RYR2: variants seen among roughly 807,000 people sequenced by gnomAD.
RYR2 encodes ryanodine receptor 2, also known as cardiac muscle ryanodine receptor-calcium release channel.
RYR2 carries 227 observed loss-of-function variants against 601.1 expected under a neutral mutation model. The observed-to-expected ratio is 0.38, with a 90% CI of 0.34 to 0.42. The LOEUF is 0.42. RYR2 is among the 10% of genes least tolerant of loss of function. The pLI is 1.00. For missense variants in RYR2, 4,646 were observed against 6,156.5 expected (o/e 0.75, Z 8.21); for synonymous variants, 2,223 against 2,175.1 (o/e 1.02, Z -0.61).
chr1:237,591,915 A>C, intron 32 of RYR2, 62 bp downstream of exon 32: 2 of 1,057,312 alleles, frequency 1.9e-6, no homozygotes, highest in Non-Finnish European at 2.9e-6. Flanking sequence ...TTACATCTCC[A>C]GTAATACATA....
At chr1:237,073,633 G>A (rs1235044344) in intron 1 of RYR2, among the ~76,000 whole-genome samples, 2 of 152,186 alleles carry the variant, frequency 1.3e-5, no homozygotes, top group Non-Finnish European at 2.9e-5. Context: ...CACTTTGGGA[G>A]GCTGAAGTGG....
chr1:237,530,349 A>G (rs368408319), intron 24 of RYR2, 78 bp from the exon 25 acceptor site: 9 of 1,078,662 alleles, frequency 8.3e-6, no homozygotes, highest in African/African-American at 1.6e-5. Context: ...GTTGTATCTC[A>G]TTGCTACTGC....
At chr1:237,314,363 C>CA (rs1433883172) in intron 2 of RYR2, among the ~76,000 whole-genome samples, 4 of 152,102 alleles carry the variant, frequency 2.6e-5, no homozygotes, top group African/African-American at 9.7e-5. Context: ...CATGCCCGGC[C>CA]AACATGAATT....
At chr1:237,264,699 ATT>A (rs71663222) in intron 1 of RYR2, among the ~76,000 whole-genome samples, 1 of 147,096 alleles carries the variant, frequency 6.8e-6, no homozygotes, top group Non-Finnish European at 1.5e-5. Flanking sequence ...TATTATTATT[ATT>A]TTTTTTTTTT....
chr1:237,433,450 AAC>A (rs1375652091), intron 12 of RYR2, among the ~76,000 whole-genome samples: 2 of 152,148 alleles, frequency 1.3e-5, no homozygotes, highest in African/African-American at 4.8e-5. Context: ...AGCAGCATTG[AAC>A]TTATAATTAT....
At chr1:237,193,102 C>T (rs561578322) in intron 1 of RYR2, among the ~76,000 whole-genome samples, 1 of 132,906 alleles carries the variant, frequency 7.5e-6, no homozygotes, top group South Asian at 2.4e-4. Flanking sequence ...GTGGGCGGAT[C>T]ACGAGGTCAG....
intron 1 of RYR2, among the ~76,000 whole-genome samples, chr1:237,088,732 A>C (rs1666629827): frequency 6.6e-6 from 1 of 152,198 alleles, no homozygotes; most frequent in African/African-American, 2.4e-5. Context: ...TACCTACAAA[A>C]TACATTCTTT....
intron 1 of RYR2, among the ~76,000 whole-genome samples, chr1:237,062,418 A>G (rs962378817): frequency 1.3e-5 from 2 of 152,084 alleles, no homozygotes; most frequent in Admixed American, 1.3e-4. Flanking sequence ...TTCTCTCAGT[A>G]TTTGCACTTA....
At chr1:237,407,697 A>G (rs1704046751) in intron 10 of RYR2, among the ~76,000 whole-genome samples, 1 of 149,870 alleles carries the variant, frequency 6.7e-6, no homozygotes, top group South Asian at 2.1e-4. Flanking sequence ...GCTTACTGGA[A>G]GCTCAATCTC....
chr1:237,255,838 A>AGTGTGTGT (rs4006354), intron 1 of RYR2, among the ~76,000 whole-genome samples: 7,102 of 142,872 alleles, frequency 0.05, 289 homozygotes, highest in African/African-American at 0.11. Context: ...TTGCTATACC[A>AGTGTGTGT]GTGTGTGTGT....
intron 2 of RYR2, among the ~76,000 whole-genome samples, chr1:237,284,677 T>TCCACACACAC (rs1691324913): frequency 4.1e-5 from 1 of 24,416 alleles, no homozygotes; most frequent in African/African-American, 2.3e-4. Flanking sequence ...TATATATATA[T>TCCACACACAC]ATATGTACAC....
chr1:237,652,315 TCTCA>T (rs1175711074), intron 51 of RYR2, among the ~76,000 whole-genome samples: 3 of 152,206 alleles, frequency 2.0e-5, no homozygotes, highest in Non-Finnish European at 2.9e-5. Flanking sequence ...CAGGATCAAG[TCTCA>T]CTCTATCTTA....
chr1:237,595,232 G>A (rs1007069545), intron 33 of RYR2, among the ~76,000 whole-genome samples: 1 of 152,064 alleles, frequency 6.6e-6, no homozygotes, highest in Non-Finnish European at 1.5e-5. Flanking sequence ...TGGAGAGAAG[G>A]TGCAGGTCAG....
chr1:237,295,594 G>T (rs184895570), intron 2 of RYR2, among the ~76,000 whole-genome samples: 4 of 152,144 alleles, frequency 2.6e-5, no homozygotes, highest in South Asian at 2.1e-4. Flanking sequence ...ACTCTATGTA[G>T]GATTTATAGG....
intron 2 of RYR2, among the ~76,000 whole-genome samples, chr1:237,320,078 C>T (rs1370679416): frequency 6.6e-6 from 1 of 152,156 alleles, no homozygotes; most frequent in African/African-American, 2.4e-5. Context: ...ACTGTTCTTA[C>T]CCAAATTGTG....
In RYR2 at chr1:237,792,380, T is replaced by TGC. The variant is rs1363663592; in HGVS notation, c.13782+59_13782+60dup. The TGC allele has an allele frequency of 6.9e-5, 58 of 838,588 alleles. 1 individual carries two copies. The African/African-American group carries it at 1.0e-3, about 15-fold the overall frequency. 51.9% of individuals were successfully genotyped at this position (838,588 alleles called of 1,614,324 possible). A position where few individuals can be genotyped will look rare whatever the true frequency, so the allele number is the denominator to read the frequency against. Reference sequence around the variant, plus strand: ...GTGTGTGTGTGTGTGTGTGTGTGTGTGCGTGTGTGTGTGTGTGCGTGTGTG... The same window carrying TGC: ...GTGTGTGTGTGTGTGTGTGTGTGTGTGCGCGTGTGTGTGTGTGTGCGTGTGTG... On this transcript the variant is annotated intron_variant, in intron 94 of 104. Coordinates refer to ENST00000366574, the MANE Select transcript of RYR2 (RefSeq NM_001035.3).
At chr1:237,375,605 G>C (rs1334449403) in intron 7 of RYR2, among the ~76,000 whole-genome samples, 1 of 152,076 alleles carries the variant, frequency 6.6e-6, no homozygotes, top group Non-Finnish European at 1.5e-5. Context: ...TGAAAACAAA[G>C]CTATGTTTAC....
intron 84 of RYR2, 107 bp downstream of exon 84, chr1:237,761,135 T>C (rs1197242127): frequency 1.4e-6 from 1 of 724,158 alleles, no homozygotes; most frequent in African/African-American, 1.8e-5. Flanking sequence ...ATTTTAAAGT[T>C]GATGAAATGC....
intron 79 of RYR2, among the ~76,000 whole-genome samples, chr1:237,736,168 T>A (rs566191249): frequency 4.6e-5 from 7 of 152,154 alleles, no homozygotes; most frequent in African/African-American, 9.6e-5. Flanking sequence ...GGTTAAAAGA[T>A]AAAAGGATAG....
Sources: gnomAD v4.1 joint callset for allele counts (sites outside exome capture counted in the v4.1 genomes callset) on GRCh38, gnomAD v4.1.1 for gene constraint, MANE v1.5 for transcripts, NCBI Gene and HGNC (gene_info 2026-07-23, HGNC 2026-07-21) for gene names.